The following FYB1 variants were observed in gnomAD, a reference collection of about 807,000 sequenced individuals.
FYB1 encodes FYN-binding protein 1.
In FYB1, 41 loss-of-function variants were observed where a neutral mutation model predicts 94.1. The ratio of observed to expected loss-of-function variants is 0.44; its 90% CI spans 0.34 to 0.57. The LOEUF (loss-of-function observed/expected upper bound fraction) is 0.57, where lower values mean the gene tolerates loss of function less well. FYB1 is among the 20% of genes least tolerant of loss of function. FYB1 has a pLI of 0.02. For synonymous variants in FYB1, 367 were observed against 353.2 expected (o/e 1.04, Z -0.44); for missense variants, 1,050 against 976.8 (o/e 1.07, Z -1.00).
At chr5:39,124,184 C>A (rs563240493) in intron 13 of FYB1, 69 bp downstream of exon 13, 15 of 1,056,462 alleles carry the variant, frequency 1.4e-5, no homozygotes, top group South Asian at 3.0e-5. Context: ...ATACTATATC[C>A]AGAGCTTTCC....
intron 2 of FYB1, among the ~76,000 whole-genome samples, chr5:39,190,202 C>T (rs1747232723): frequency 6.6e-6 from 1 of 152,098 alleles, no homozygotes; most frequent in South Asian, 2.1e-4. Context: ...CCATAAAGCC[C>T]AGTATTTTCT....
At chr5:39,229,769 G>A (rs1182234000) in intron 1 of FYB1, among the ~76,000 whole-genome samples, 11 of 152,120 alleles carry the variant, frequency 7.2e-5, no homozygotes, top group African/African-American at 2.7e-4. Context: ...TGCCTAAAAG[G>A]CAGAAGAGGT....
chr5:39,108,103 T>A (rs2150249505), intron 18 of FYB1, 128 bp downstream of exon 18: 1 of 890,288 alleles, frequency 1.1e-6, no homozygotes, highest in East Asian at 3.1e-5. Flanking sequence ...TTACCTTTTC[T>A]AACATTTTCA....
intron 2 of FYB1, among the ~76,000 whole-genome samples, chr5:39,159,510 A>G (rs1202511539): frequency 1.3e-5 from 2 of 152,066 alleles, no homozygotes; most frequent in Non-Finnish European, 2.9e-5. Context: ...ATCTTACCAC[A>G]TTTACCATAA....
intron 2 of FYB1, chr5:39,169,615 C>CGGAG: frequency 2.2e-6 from 1 of 449,588 alleles, no homozygotes; most frequent in South Asian, 1.7e-5. Flanking sequence ...GAGGCCGAGG[C>CGGAG]GGGTGGATTA....
intron 10 of FYB1, among the ~76,000 whole-genome samples, chr5:39,128,964 T>C (rs1272486269): frequency 6.6e-6 from 1 of 152,048 alleles, no homozygotes; most frequent in Non-Finnish European, 1.5e-5. Flanking sequence ...TTTCACAGAA[T>C]AGGAAAAACA....
At position 39,202,497 on chromosome 5, in the gene FYB1, G is replaced by T. The variant is rs767680633; in HGVS notation, c.464C>A (p.Ser155Tyr). The T allele has an allele frequency of 6.2e-7, 1 of 1,613,968 alleles. No individual in the cohort carries two copies. The highest frequency in any genetic ancestry group is 8.5e-7 in the Non-Finnish European group (1 of 1,179,880). ...TTCTGAGGTTGGAGGAGTAGGCCCAGATTTCGGGCCTAGTGGCTTTAAGTC... is the reference window on the plus strand; with the variant it reads ...TTCTGAGGTTGGAGGAGTAGGCCCATATTTCGGGCCTAGTGGCTTTAAGTC... ...DHDLKPLGPK[S>Y]GPTPPTSENE... Residue 155 changes from serine (S) to tyrosine (Y), a missense_variant, in exon 2 of 19, where the codon TCT (serine) becomes TAT (tyrosine). Ser to Tyr is a moderately radical substitution (Grantham distance 144, BLOSUM62 -2). Transcript: ENST00000512982.
At chr5:39,199,320 T>A (rs1188205562) in intron 2 of FYB1, among the ~76,000 whole-genome samples, 1 of 152,178 alleles carries the variant, frequency 6.6e-6, no homozygotes, top group African/African-American at 2.4e-5. Context: ...TTAGTATTTC[T>A]AGCATTGTTT....
intron 3 of FYB1, among the ~76,000 whole-genome samples, chr5:39,145,258 A>G (rs1334600305): frequency 6.6e-6 from 1 of 152,240 alleles, no homozygotes; most frequent in East Asian, 1.9e-4. Flanking sequence ...TCAATTTAAT[A>G]GATTTATGAG....
upstream of FYB1, among the ~76,000 whole-genome samples, chr5:39,222,353 GA>G (rs889547379): frequency 6.6e-6 from 1 of 152,192 alleles, no homozygotes; most frequent in Non-Finnish European, 1.5e-5. Context: ...CAGGCATACA[GA>G]AGGCACTTTA....
At chr5:39,232,656 C>T (rs1401446837) in intron 1 of FYB1, among the ~76,000 whole-genome samples, 2 of 151,074 alleles carry the variant, frequency 1.3e-5, no homozygotes, top group East Asian at 2.0e-4. Context: ...CATGCTGGTG[C>T]ACTGCACCCA....
At chr5:39,218,743 G>A (rs969586797) in intron 1 of FYB1, among the ~76,000 whole-genome samples, 2 of 152,104 alleles carry the variant, frequency 1.3e-5, no homozygotes, top group Non-Finnish European at 2.9e-5. Flanking sequence ...TTACTTCCCT[G>A]CAAATCAAGT....
chr5:39,195,185 G>A (rs958555301), intron 2 of FYB1, among the ~76,000 whole-genome samples: 1 of 152,132 alleles, frequency 6.6e-6, no homozygotes, highest in Non-Finnish European at 1.5e-5. Context: ...TACGTTCCCA[G>A]TGCACAGTGA....
At chr5:39,137,538 C>G in intron 7 of FYB1, 62 bp downstream of exon 7, 1 of 1,498,412 alleles carries the variant, frequency 6.7e-7, no homozygotes, top group African/African-American at 1.4e-5. Context: ...GAATGGTACC[C>G]CTTTTGTGTG....
rs367990856 is a variant in FYB1, at chr5:39,202,785, G to A, written c.176C>T (p.Ser59Phe). Residue 59 changes from serine (S) to phenylalanine (F), a missense_variant, in exon 2 of 19, where the codon TCC becomes TTC. By Grantham distance (155) the Ser-to-Phe change is radical. Transcript: ENST00000512982. ...AGPSNVPKFG[S>F]PKPPVAVKPS... is the part of the protein sequence containing the mutation. ...TTTGACTGCCACAGGTGGCTTTGGG[G>A]ACCCAAACTTAGGTACATTGCTGGG... is the stretch of plus-strand genomic sequence containing the variant. 1.2e-6 allele frequency: 2 copies of A among 1,613,832 alleles called. No individual in the cohort carries two copies. The highest frequency in any genetic ancestry group is 2.7e-5 in the African/African-American group (2 of 74,886).
chr5:39,134,456 T>C, intron 8 of FYB1, 107 bp from the exon 9 acceptor site: 1 of 1,014,894 alleles, frequency 9.9e-7, no homozygotes, highest in East Asian at 2.6e-5. Context: ...TCCCCTGATT[T>C]ATTTTCTTGT....
rs564236219 is a variant in FYB1, at chr5:39,234,579, A to T, written c.-27-31592T>A. Among the ~76,000 whole-genome samples the T allele has an allele frequency of 5.9e-5, 9 of 152,334 alleles. No homozygotes were observed. The South Asian group carries it at 1.9e-3, about 32-fold the overall frequency. On this transcript the variant is annotated intron_variant, in intron 1 of 1. Coordinates refer to the FYB1 transcript ENST00000510188. ...AGGATTATAAATCATGCTACTATAA[A>T]GACACATGTACACATATGTTTATTG...
intron 2 of FYB1, among the ~76,000 whole-genome samples, chr5:39,179,142 T>A (rs1312711465): frequency 6.6e-6 from 1 of 152,148 alleles, no homozygotes; most frequent in African/African-American, 2.4e-5. Context: ...CCATTTAATC[T>A]CTCAAAAACC....
intron 1 of FYB1, among the ~76,000 whole-genome samples, chr5:39,235,616 T>C (rs1280163642): frequency 6.6e-6 from 1 of 151,648 alleles, no homozygotes; most frequent in Non-Finnish European, 1.5e-5. Context: ...CCTGAGTAGA[T>C]ATATAGGAGC....
Sources: allele counts gnomAD v4.1 joint callset (sites outside exome capture counted in the v4.1 genomes callset), GRCh38; gene constraint gnomAD v4.1.1; transcripts MANE v1.5; gene names NCBI Gene and HGNC (gene_info 2026-07-23, HGNC 2026-07-21).